The following PCNP variants were observed in gnomAD, a reference collection of about 807,000 sequenced individuals.
PCNP encodes the protein PEST proteolytic signal-containing nuclear protein.
PCNP carries 6 observed loss-of-function variants against 21.8 expected under a neutral mutation model. The observed-to-expected ratio is 0.28, with a 90% CI of 0.15 to 0.54. The LOEUF is 0.54. Ranked by LOEUF, PCNP falls within the 20% of genes least tolerant of loss-of-function variation. The pLI is 0.95. For missense variants in PCNP, 161 were observed against 215.5 expected, an observed-to-expected ratio of 0.75 and a Z score of 1.58; for synonymous variants, 67 against 73.2, an observed-to-expected ratio of 0.92 and a Z score of 0.43.
At position 101,579,779 on chromosome 3, in the gene PCNP, G is replaced by C; in HGVS notation, c.65-11G>C. ...ATAGCTCATCTTGGTAAGTTGTTTCGACTTCACCAGGACCTGAAGAAGAAG... is the reference window on the plus strand; with the variant it reads ...ATAGCTCATCTTGGTAAGTTGTTTCCACTTCACCAGGACCTGAAGAAGAAG... On this transcript the variant is annotated splice_polypyrimidine_tract_variant and intron_variant, in intron 1 of 4. Coordinates refer to ENST00000265260, the MANE Select transcript of PCNP (RefSeq NM_020357.3). The C allele has an allele frequency of 6.3e-7, 1 of 1,597,948 alleles. No individual in the cohort carries two copies. The highest frequency in any genetic ancestry group is 8.6e-7 in the Non-Finnish European group (1 of 1,165,416).
At chr3:101,575,478 CTT>C (rs1179634132) in intron 1 of PCNP, among the ~76,000 whole-genome samples, 5 of 142,496 alleles carry the variant, frequency 3.5e-5, no homozygotes, top group Admixed American at 1.4e-4. Context: ...CACCCCCTGT[CTT>C]TTTTTTTTTT....
intron 3 of PCNP, among the ~76,000 whole-genome samples, chr3:101,586,755 G>C (rs1474714280): frequency 1.3e-5 from 2 of 151,882 alleles, no homozygotes; most frequent in Non-Finnish European, 2.9e-5. Flanking sequence ...GCCCCACCAT[G>C]TTGCCCAGGC....
Position 101,592,887 on chromosome 3 carries a change from A to G in PCNP, c.*134A>G. Reference sequence around the variant, plus strand: ...TCATTTTTTTAAAAGATTGAGTGGTACACTAATAAATGAGAGTTTGAAATT... The same window carrying G: ...TCATTTTTTTAAAAGATTGAGTGGTGCACTAATAAATGAGAGTTTGAAATT... On this transcript the variant is annotated 3_prime_UTR_variant, in exon 5 of 5. Transcript: ENST00000265260. The G allele has an allele frequency of 1.7e-6, 1 of 594,662 alleles. No homozygotes were observed. Among genetic ancestry groups the G allele is most frequent in the Non-Finnish European group, 2.7e-6 (1 of 373,516 alleles). The allele number at this position is 594,662 out of a possible 1,614,324, so 36.8% of individuals were successfully genotyped here. A position where few individuals can be genotyped will look rare whatever the true frequency, so the allele number is the denominator to read the frequency against.
At chr3:101,590,330 T>A (rs1935740419) in intron 4 of PCNP, 60 bp downstream of exon 4, 12 of 870,542 alleles carry the variant, frequency 1.4e-5, no homozygotes, top group Admixed American at 4.3e-5. Context: ...CAAAAATAAC[T>A]TGCACATGAT....
At chr3:101,586,344 C>T (rs758575564) in intron 3 of PCNP, among the ~76,000 whole-genome samples, 5 of 152,142 alleles carry the variant, frequency 3.3e-5, no homozygotes, top group Admixed American at 6.6e-5. Flanking sequence ...TCCCAATTTC[C>T]TCATGCCCCT....
chr3:101,574,385 C>T (rs1170195643), intron 1 of PCNP, 106 bp downstream of exon 1: 4 of 1,356,248 alleles, frequency 2.9e-6, no homozygotes, highest in African/African-American at 1.5e-5. Flanking sequence ...GGATCTGGAC[C>T]TCACCCGGCC....
chr3:101,588,429 C>A (rs1019769342), intron 3 of PCNP, among the ~76,000 whole-genome samples: 2 of 152,054 alleles, frequency 1.3e-5, no homozygotes, highest in Non-Finnish European at 2.9e-5. Context: ...AACATTCTTT[C>A]TCCTATAATA....
In PCNP at chr3:101,593,627, C is replaced by T. The variant is rs1229347800; in HGVS notation, c.*874C>T. On this transcript the variant is annotated 3_prime_UTR_variant, in exon 5 of 5. Coordinates refer to ENST00000265260, the MANE Select transcript of PCNP (RefSeq NM_020357.3). ...GTTTTTATTTTTTAAAAGGTATAAA[C>T]ACCAAAAAAAAAATTAACATTGTAT... is the stretch of plus-strand genomic sequence containing the variant. The T allele has an allele frequency of 2.0e-5, 3 of 151,644 alleles. No individual in the cohort carries two copies. In the South Asian group the frequency reaches 6.2e-4, roughly 32 times the overall value. 9.4% of individuals were successfully genotyped at this position (151,644 alleles called of 1,614,324 possible). A position where few individuals can be genotyped will look rare whatever the true frequency, so the allele number is the denominator to read the frequency against.
At chr3:101,576,211 A>G (rs1443879766) in intron 1 of PCNP, among the ~76,000 whole-genome samples, 2 of 147,998 alleles carry the variant, frequency 1.4e-5, no homozygotes, top group Non-Finnish European at 3.0e-5. Context: ...ACTAAGTTGG[A>G]AGTATAAGTT....
chr3:101,591,556 C>G (rs1397400105), intron 4 of PCNP, among the ~76,000 whole-genome samples: 1 of 152,130 alleles, frequency 6.6e-6, no homozygotes, highest in Non-Finnish European at 1.5e-5. Context: ...CGCCTAAACA[C>G]CCAGCACATA....
upstream of PCNP, chr3:101,574,144 A>C (rs1559953681): frequency 6.6e-6 from 10 of 1,516,224 alleles, no homozygotes; most frequent in Middle Eastern, 1.9e-4. Context: ...GGCTGGCCCC[A>C]AAAACTCGAT....
rs117472040 is a variant in PCNP, at chr3:101,580,487, A to G, written c.279+483A>G. 7.2e-3 allele frequency among the ~76,000 whole-genome samples: 1,092 copies of G among 152,224 alleles called. 29 individuals are homozygous for G. The East Asian group carries it at 0.073, about 10-fold the overall frequency. On this transcript the variant is annotated intron_variant, in intron 2 of 4. Coordinates refer to ENST00000265260, the MANE Select transcript of PCNP (RefSeq NM_020357.3). ...AAATATTGTCAGAAAGATTTTCCAA[A>G]GTTTTTTTTTTATCTTTCAGTGCCT...
At chr3:101,578,993 CATT>C (rs1935081713) in intron 1 of PCNP, among the ~76,000 whole-genome samples, 1 of 152,192 alleles carries the variant, frequency 6.6e-6, no homozygotes. Flanking sequence ...CTAATTTCAT[CATT>C]GACTTCATAC....
upstream of PCNP, chr3:101,574,167 G>A (rs1391314649): frequency 2.6e-6 from 4 of 1,538,574 alleles, no homozygotes; most frequent in African/African-American, 4.1e-5. Context: ...TTGTTGGGCG[G>A]GGTCGTGACG....
At position 101,579,912 on chromosome 3, in the gene PCNP, A is replaced by G. The variant is rs771775706; in HGVS notation, c.187A>G (p.Thr63Ala). 20 of 1,613,972 alleles carry G rather than the reference A, an allele frequency of 1.2e-5. No individual in the cohort carries two copies. The highest frequency in any genetic ancestry group is 1.7e-5 in the Admixed American group (1 of 60,004). The change falls in exon 2 of 5, where the codon ACA (threonine) becomes GCA (alanine). Residue 63 changes from threonine to alanine, a missense_variant. Transcript: ENST00000265260. ...SAEEEAADLP[T>A]KPTKISKFGF... ...TGAAGAAGAAGCTGCCGACCTCCCA[A>G]CAAAGCCTACAAAGATCTCCAAGTT...
At chr3:101,590,031 G>A (rs1053562197) in intron 3 of PCNP, 184 bp from the exon 4 acceptor site, 7 of 565,366 alleles carry the variant, frequency 1.2e-5, no homozygotes, top group Admixed American at 6.8e-5. Context: ...AATCAGCACC[G>A]TAGAAGACAG....
intron 4 of PCNP, among the ~76,000 whole-genome samples, chr3:101,591,324 C>T (rs1213830998): frequency 6.6e-6 from 1 of 152,210 alleles, no homozygotes; most frequent in East Asian, 1.9e-4. Context: ...ACTATGTCCC[C>T]ATTTCTTCCA....
chr3:101,579,397 G>T (rs989836929), intron 1 of PCNP, among the ~76,000 whole-genome samples: 1 of 152,120 alleles, frequency 6.6e-6, no homozygotes, highest in Non-Finnish European at 1.5e-5. Context: ...TTAGCCAAGT[G>T]TATTATTTTA....
At chr3:101,580,867 G>T (rs1401563596) in intron 2 of PCNP, among the ~76,000 whole-genome samples, 2 of 152,192 alleles carry the variant, frequency 1.3e-5, no homozygotes, top group Non-Finnish European at 2.9e-5. Flanking sequence ...CTTAAATAGT[G>T]TATTGCTATT....
Sources: gnomAD v4.1 joint callset for allele counts (sites outside exome capture counted in the v4.1 genomes callset) on GRCh38, gnomAD v4.1.1 for gene constraint, MANE v1.5 for transcripts, NCBI Gene and HGNC (gene_info 2026-07-23, HGNC 2026-07-21) for gene names.